Variants in NOA1 observed in about 807,000 individuals in gnomAD.
NOA1 encodes the protein nitric oxide-associated protein 1.
Under a neutral mutation model 58.4 loss-of-function variants are expected in NOA1, and 35 were observed. The observed-to-expected ratio is 0.60, with a 90% CI of 0.46 to 0.79. The LOEUF (loss-of-function observed/expected upper bound fraction) is 0.79. NOA1 is among the 30% of genes least tolerant of loss of function. The pLI is 0.00. For synonymous variants in NOA1, 397 were observed against 373.4 expected, an observed-to-expected ratio of 1.06 and a Z score of -0.73; for missense variants, 895 against 894.6, an observed-to-expected ratio of 1.00 and a Z score of -0.01.
chr4:56,969,304 G>A (rs907340398), intron 3 of NOA1, among the ~76,000 whole-genome samples: 15 of 152,218 alleles, frequency 9.9e-5, no homozygotes. Context: ...TGGGCGCGGT[G>A]GCTCACGCCT....
At position 56,976,804 on chromosome 4, in the gene NOA1, C is replaced by G. The variant is rs750939357; in HGVS notation, c.782G>C (p.Arg261Pro). 107 of 1,610,574 alleles carry G rather than the reference C, an allele frequency of 6.6e-5. No homozygotes were observed. Among genetic ancestry groups the G allele is most frequent in the Non-Finnish European group, 8.0e-5 (94 of 1,178,096 alleles). The change falls in exon 1 of 7, where the codon CGG (arginine) becomes CCG (proline). Residue 261 changes from arginine (R) to proline (P), a missense_variant. Transcript: ENST00000264230. ...CCACAGTCGCTCCCGCAGCCTCTGCCGGTAGCCAGGAGCATCCTGGGGCAG... is the reference window on the plus strand; with the variant it reads ...CCACAGTCGCTCCCGCAGCCTCTGCGGGTAGCCAGGAGCATCCTGGGGCAG... Reference protein sequence around the residue: ...DLLPQDAPGYRQRLRERLWED... With the variant: ...DLLPQDAPGYPQRLRERLWED...
At chr4:56,973,642 A>G (rs1721848019) in intron 2 of NOA1, among the ~76,000 whole-genome samples, 1 of 152,182 alleles carries the variant, frequency 6.6e-6, no homozygotes, top group African/African-American at 2.4e-5. Flanking sequence ...AGACAACCTA[A>G]TCTAAAGCTG....
intron 5 of NOA1, 85 bp downstream of exon 5, chr4:56,966,535 T>C (rs1418063974): frequency 2.5e-6 from 2 of 808,586 alleles, no homozygotes; most frequent in Non-Finnish European, 4.1e-6. Context: ...AACAGTTCTG[T>C]ACAACAAAGG....
chr4:56,963,747 G>A (rs1234787841), intron 6 of NOA1, 86 bp from the exon 7 acceptor site: 1 of 892,970 alleles, frequency 1.1e-6, no homozygotes, highest in Non-Finnish European at 1.8e-6. Context: ...TGGACTATCA[G>A]AGAACGCTGT....
At chr4:56,965,398 C>G (rs72627508) in intron 5 of NOA1, among the ~76,000 whole-genome samples, 27,921 of 151,916 alleles carry the variant, frequency 0.18, 2,829 homozygotes, top group East Asian at 0.4. Context: ...GTTTCTGCCC[C>G]CAAGGAAATC....
chr4:56,975,280 C>T (rs1293514700), intron 1 of NOA1, among the ~76,000 whole-genome samples: 1 of 151,734 alleles, frequency 6.6e-6, no homozygotes, highest in African/African-American at 2.4e-5. Context: ...ACCTTGGCCT[C>T]CCAAAGTGCT....
At chr4:56,974,920 C>T (rs1004093104) in intron 1 of NOA1, among the ~76,000 whole-genome samples, 9 of 151,952 alleles carry the variant, frequency 5.9e-5, no homozygotes, top group African/African-American at 2.2e-4. Flanking sequence ...CAGGTCTGGT[C>T]TGGAACTCCT....
intron 2 of NOA1, 137 bp downstream of exon 2, chr4:56,973,721 G>T: frequency 1.2e-6 from 1 of 818,540 alleles, no homozygotes; most frequent in African/African-American, 1.7e-5. Flanking sequence ...TATCGCTAAA[G>T]GGCCTCTTTG....
rs3733307 is a variant in NOA1, at chr4:56,977,330, T to A, written c.256A>T (p.Thr86Ser). The change falls in exon 1 of 7, where the codon ACC (threonine) becomes TCC (serine). Residue 86 changes from threonine (T) to serine (S), a missense_variant. By Grantham distance (58) the Thr-to-Ser change is moderately conservative (BLOSUM62 1). Around this residue, in one of 3 missense-constraint regions of NOA1, gnomAD observed 680 missense variants for 656.5 expected, o/e 1.04. Transcript: ENST00000264230. ...EYILDPEPQP[T>S]REKQLQELQQ... ...AGCTCCTGCAGCTGCTTTTCGCGGG[T>A]GGGTTGCGGCTCCGGATCCAGGATG... is the stretch of plus-strand genomic sequence containing the variant. 2.1e-5 allele frequency: 34 copies of A among 1,614,050 alleles called. No individual in the cohort carries two copies. In the East Asian group the frequency reaches 4.5e-4, roughly 21 times the overall value.
intron 4 of NOA1, among the ~76,000 whole-genome samples, chr4:56,967,505 G>A (rs9942208): frequency 0.15 from 23,341 of 151,974 alleles, 2,064 homozygotes; most frequent in Admixed American, 0.25. Context: ...CAAAGTATGA[G>A]CAAACACAAA....
At chr4:56,965,628 G>A (rs1721688149) in intron 5 of NOA1, among the ~76,000 whole-genome samples, 1 of 150,338 alleles carries the variant, frequency 6.7e-6, no homozygotes, top group Admixed American at 6.7e-5. Flanking sequence ...GTCGCCACAG[G>A]TACAGATAAA....
Position 56,972,095 on chromosome 4 carries a change from C to T in NOA1, c.1515+1053G>A, listed in dbSNP as rs191092281. ...TACAGACAGGGTTTCACCGTGTTAG[C>T]CCAGATGGTCTCGATCTCCTGACCT... On this transcript the variant is annotated intron_variant, in intron 3 of 6. Coordinates refer to ENST00000264230, the MANE Select transcript of NOA1 (RefSeq NM_032313.4). Among the ~76,000 whole-genome samples, 237 of 152,268 alleles carry T rather than the reference C, an allele frequency of 1.6e-3. 1 individual carries two copies. The highest frequency in any genetic ancestry group is 5.5e-3 in the African/African-American group (230 of 41,570).
rs181342543 is a variant in NOA1, at chr4:56,964,154, G to A, written c.1885+252C>T. Reference sequence around the variant, plus strand: ...ATGATCTAGGCTCACCGCAACCTCCGCCTCCTGGGTTCAAGCGATTCTCCT... The same window carrying A: ...ATGATCTAGGCTCACCGCAACCTCCACCTCCTGGGTTCAAGCGATTCTCCT... On this transcript the variant is annotated intron_variant, in intron 6 of 6. Coordinates refer to ENST00000264230, the MANE Select transcript of NOA1 (RefSeq NM_032313.4). Among the ~76,000 whole-genome samples the A allele has an allele frequency of 2.2e-4, 33 of 150,834 alleles. No homozygotes were observed. In the East Asian group the frequency reaches 6.4e-3, roughly 29 times the overall value.
Position 56,977,251 on chromosome 4 carries a change from C to G in NOA1, c.335G>C (p.Arg112Pro). 1 of 1,604,852 alleles carries G rather than the reference C, an allele frequency of 6.2e-7. No homozygotes were observed. The highest frequency in any genetic ancestry group is 1.1e-5 in the South Asian group (1 of 90,308). Residue 112 changes from arginine (R) to proline (P), a missense_variant, in exon 1 of 7, where the codon CGG becomes CCG. Around this residue, in one of 3 missense-constraint regions of NOA1, gnomAD observed 680 missense variants for 656.5 expected, o/e 1.04. Coordinates refer to ENST00000264230, the MANE Select transcript of NOA1 (RefSeq NM_032313.4). ...CCTGGCCCGTAGGTTTTGCTGTCGC[C>G]GCTCCTCCCGCCGCTGCTGCCTCTG... ...ERQRQQRREE[R>P]RQQNLRARSR...
Position 56,966,493 on chromosome 4 carries a change from AG to A in NOA1, c.1764+126del, listed in dbSNP as rs1173208969. 31 of 607,806 alleles carry A rather than the reference AG, an allele frequency of 5.1e-5. 1 individual carries two copies. In the South Asian group the frequency reaches 5.8e-4, roughly 11 times the overall value. 37.7% of individuals were successfully genotyped at this position (607,806 alleles called of 1,614,324 possible). ...ATAGCCAGAATTCTCAAAGAGAATGAGGTGAGGGAAAGCTAGCTCAAGATAT... is the reference window on the plus strand; with the variant it reads ...ATAGCCAGAATTCTCAAAGAGAATGAGTGAGGGAAAGCTAGCTCAAGATAT... On this transcript the variant is annotated intron_variant, in intron 5 of 6. Coordinates refer to ENST00000264230, the MANE Select transcript of NOA1 (RefSeq NM_032313.4).
At chr4:56,975,373 G>T (rs1721884178) in intron 1 of NOA1, among the ~76,000 whole-genome samples, 1 of 150,194 alleles carries the variant, frequency 6.7e-6, no homozygotes, top group Non-Finnish European at 1.5e-5. Flanking sequence ...GCTCACACCT[G>T]TAATCCCAGC....
At chr4:56,969,218 C>G (rs1416260743) in intron 3 of NOA1, among the ~76,000 whole-genome samples, 1 of 152,160 alleles carries the variant, frequency 6.6e-6, no homozygotes, top group East Asian at 1.9e-4. Context: ...TTTAAGGAAT[C>G]AAAATCTGGT....
chr4:56,967,361 C>CAG (rs1299087662), intron 4 of NOA1, among the ~76,000 whole-genome samples: 1 of 147,250 alleles, frequency 6.8e-6, no homozygotes, highest in East Asian at 2.0e-4. Context: ...GTCTGGGCAA[C>CAG]AGAGAGAGAT....
intron 4 of NOA1, among the ~76,000 whole-genome samples, chr4:56,967,908 C>T (rs1721744208): frequency 7.0e-6 from 1 of 142,384 alleles, no homozygotes; most frequent in South Asian, 2.2e-4. Flanking sequence ...TAGGGCATTT[C>T]TTTTCCCCAA....
Sources: allele counts gnomAD v4.1 joint callset (sites outside exome capture counted in the v4.1 genomes callset), GRCh38; gene constraint gnomAD v4.1.1; regional missense constraint gnomAD v4.1.1; transcripts MANE v1.5; gene names NCBI Gene and HGNC (gene_info 2026-07-23, HGNC 2026-07-21).